RAB3GAP2: variants seen among roughly 807,000 people sequenced by gnomAD.
RAB3GAP2 encodes RAB3 GTPase activating non-catalytic protein subunit 2, also known as rab3 GTPase-activating protein non-catalytic subunit.
In RAB3GAP2, 87 loss-of-function variants were observed where a neutral mutation model predicts 185.3. The observed-to-expected ratio is 0.47, with a 90% CI of 0.39 to 0.56. The LOEUF is 0.56. Among genes scored for constraint, RAB3GAP2 ranks in the 20% least tolerant of loss-of-function variants. The probability of loss-of-function intolerance (pLI) is 0.00; values close to 1 mark genes in which losing one functional copy is unlikely to be tolerated. For synonymous variants in RAB3GAP2, 554 were observed against 576.1 expected (o/e 0.96, Z 0.55); for missense variants, 1,492 against 1,638.2 (o/e 0.91, Z 1.54).
intron 26 of RAB3GAP2, among the ~76,000 whole-genome samples, chr1:220,166,897 G>A (rs1048098756): frequency 1.3e-5 from 2 of 152,032 alleles, no homozygotes; most frequent in African/African-American, 4.8e-5. Flanking sequence ...GTTCGGTTGG[G>A]GCCATTTCAT....
At chr1:220,232,555 C>T (rs756731625) in intron 2 of RAB3GAP2, among the ~76,000 whole-genome samples, 14 of 152,324 alleles carry the variant, frequency 9.2e-5, no homozygotes, top group Middle Eastern at 3.4e-3. Context: ...AATTTCTGTT[C>T]ATTATGAACT....
At chr1:220,214,695 T>A (rs1487570992) in intron 2 of RAB3GAP2, among the ~76,000 whole-genome samples, 1 of 152,028 alleles carries the variant, frequency 6.6e-6, no homozygotes, top group Admixed American at 6.6e-5. Context: ...TATGCTTCTT[T>A]CTTTTTATTT....
chr1:220,223,768 A>G (rs1054626180), intron 2 of RAB3GAP2, among the ~76,000 whole-genome samples: 4 of 151,858 alleles, frequency 2.6e-5, no homozygotes, highest in African/African-American at 9.7e-5. Flanking sequence ...TTCTGTAAAC[A>G]ACAAGTAAAG....
intron 4 of RAB3GAP2, among the ~76,000 whole-genome samples, chr1:220,212,462 C>T (rs748734115): frequency 1.3e-5 from 2 of 152,024 alleles, no homozygotes; most frequent in Non-Finnish European, 2.9e-5. Context: ...ATTTACTAAA[C>T]ATTTCAAATA....
intron 17 of RAB3GAP2, among the ~76,000 whole-genome samples, chr1:220,188,869 T>C (rs1658555338): frequency 6.6e-6 from 1 of 152,074 alleles, no homozygotes; most frequent in Admixed American, 6.6e-5. Flanking sequence ...ATTATAACTA[T>C]AACTACATAC....
intron 1 of RAB3GAP2, among the ~76,000 whole-genome samples, chr1:220,257,177 G>A (rs945719285): frequency 6.6e-6 from 1 of 152,118 alleles, no homozygotes; most frequent in East Asian, 1.9e-4. Flanking sequence ...AGGAGATCAA[G>A]ACCATCCTGG....
chr1:220,210,569 AT>A (rs1659062108), intron 6 of RAB3GAP2, 80 bp from the exon 7 acceptor site: 1 of 1,156,000 alleles, frequency 8.7e-7, no homozygotes, highest in Non-Finnish European at 1.3e-6. Context: ...AAAGAGTACC[AT>A]TTCCCCAACA....
chr1:220,261,249 C>G (rs1266714952), intron 1 of RAB3GAP2, among the ~76,000 whole-genome samples: 3 of 152,090 alleles, frequency 2.0e-5, no homozygotes, highest in African/African-American at 7.2e-5. Flanking sequence ...CAGCAGATAC[C>G]TAGGAGTTTC....
At chr1:220,232,752 G>A in intron 2 of RAB3GAP2, 47 bp downstream of exon 2, 1 of 1,478,690 alleles carries the variant, frequency 6.8e-7, no homozygotes, top group Non-Finnish European at 9.5e-7. Flanking sequence ...CATTACAAAA[G>A]GAAAATGCCA....
intron 1 of RAB3GAP2, chr1:220,267,295 A>G (rs1173637304): frequency 1.1e-6 from 1 of 945,994 alleles, no homozygotes; most frequent in African/African-American, 1.6e-5. Context: ...TTCCAGAATT[A>G]GGTAGACTCT....
chr1:220,190,782 A>T (rs1658600980), intron 14 of RAB3GAP2, among the ~76,000 whole-genome samples: 1 of 152,322 alleles, frequency 6.6e-6, no homozygotes, highest in South Asian at 2.1e-4. Flanking sequence ...ACTTATGACT[A>T]GGGCAAAAGG....
At chr1:220,245,885 G>C (rs1659801858) in intron 1 of RAB3GAP2, among the ~76,000 whole-genome samples, 1 of 152,188 alleles carries the variant, frequency 6.6e-6, no homozygotes, top group Non-Finnish European at 1.5e-5. Flanking sequence ...GCCTAACTGG[G>C]AGGCACCCCC....
intron 21 of RAB3GAP2, among the ~76,000 whole-genome samples, chr1:220,176,390 A>G (rs773306631): frequency 2.6e-5 from 4 of 152,172 alleles, no homozygotes; most frequent in Non-Finnish European, 5.9e-5. Flanking sequence ...ATTCTCTCAC[A>G]ATAAGGTGGT....
chr1:220,175,852 C>T (rs1300181268), intron 21 of RAB3GAP2, among the ~76,000 whole-genome samples: 1 of 152,142 alleles, frequency 6.6e-6, no homozygotes, highest in East Asian at 1.9e-4. Flanking sequence ...CTGTTTATAA[C>T]CTAGAGTGTG....
At chr1:220,191,868 C>T (rs543089649) in intron 13 of RAB3GAP2, among the ~76,000 whole-genome samples, 1 of 152,058 alleles carries the variant, frequency 6.6e-6, no homozygotes, top group African/African-American at 2.4e-5. Context: ...CACCTGATTA[C>T]CCCTCCTGCT....
intron 1 of RAB3GAP2, among the ~76,000 whole-genome samples, chr1:220,254,953 T>C (rs1340109880): frequency 2.9e-5 from 3 of 104,920 alleles, no homozygotes; most frequent in Admixed American, 9.0e-5. Flanking sequence ...CCATTTGTGC[T>C]TTTTTTTTTT....
chr1:220,213,099 C>T lies in RAB3GAP2; in HGVS notation c.305-131G>A, dbSNP rs1659112883. On this transcript the variant is annotated intron_variant, in intron 3 of 34. Coordinates refer to ENST00000358951, the MANE Select transcript of RAB3GAP2 (RefSeq NM_012414.4). ...CAGTTGTGTATTAACTGACTTGGGT[C>T]TTTTTTATAGGTAAATATAAGATAA... 13 of 613,062 alleles carry T rather than the reference C, an allele frequency of 2.1e-5. No homozygotes were observed. The South Asian group carries it at 2.9e-4, about 14-fold the overall frequency. The allele number at this position is 613,062 out of a possible 1,614,324, so 38.0% of individuals were successfully genotyped here.
chr1:220,157,786 A>C lies in RAB3GAP2; in HGVS notation c.3336+16T>G, dbSNP rs772596479. ...ATCTTAGGAGCAGTTCAGAATGAAA[A>C]ATACACCTCTTTTACCTCCATTAAG... On this transcript the variant is annotated intron_variant, in intron 30 of 34. Transcript: ENST00000358951. The C allele has an allele frequency of 6.3e-7, 1 of 1,593,118 alleles. No individual in the cohort carries two copies. Among genetic ancestry groups the C allele is most frequent in the South Asian group, 1.1e-5 (1 of 90,592 alleles).
At chr1:220,269,386 G>T (rs2102539622) in intron 1 of RAB3GAP2, among the ~76,000 whole-genome samples, 1 of 152,296 alleles carries the variant, frequency 6.6e-6, no homozygotes, top group South Asian at 2.1e-4. Context: ...AAGAACTTTG[G>T]ATTTTACGTT....
Sources: gnomAD v4.1 joint callset for allele counts (sites outside exome capture counted in the v4.1 genomes callset) on GRCh38, gnomAD v4.1.1 for gene constraint, MANE v1.5 for transcripts, NCBI Gene and HGNC (gene_info 2026-07-23, HGNC 2026-07-21) for gene names.